The following HOMER3 variants were observed in gnomAD, a reference collection of about 807,000 sequenced individuals.
HOMER3 encodes homer protein homolog 3.
A neutral mutation model predicts 45.5 loss-of-function variants in HOMER3; 34 were observed. The ratio of observed to expected loss-of-function variants is 0.75; its 90% CI spans 0.57 to 1.00. The LOEUF (loss-of-function observed/expected upper bound fraction) is 1.00. Among genes scored for constraint, HOMER3 ranks in the 50% least tolerant of loss-of-function variants. HOMER3 has a pLI of 0.00. For missense variants in HOMER3, 480 were observed against 497.5 expected, an observed-to-expected ratio of 0.96 and a Z score of 0.33; for synonymous variants, 223 against 208.8, an observed-to-expected ratio of 1.07 and a Z score of -0.58.
Position 18,929,301 on chromosome 19 carries a change from AC to A in HOMER3, c.*141del. ...CAACAACCAGAGCCGACTGGGGCCC[AC>A]CCCAGCCCAGCCCGGCCCGGCCCAC... On this transcript the variant is annotated 3_prime_UTR_variant, in exon 10 of 10. Transcript: ENST00000392351. The A allele has an allele frequency of 1.1e-6, 1 of 923,940 alleles. No homozygotes were observed. The highest frequency in any genetic ancestry group is 1.8e-6 in the Non-Finnish European group (1 of 564,152). The allele number at this position is 923,940 out of a possible 1,614,324, so 57.2% of individuals were successfully genotyped here.
At position 18,931,235 on chromosome 19, in the gene HOMER3, T is replaced by C. The variant is rs138352262; in HGVS notation, c.894+90A>G. On this transcript the variant is annotated intron_variant, in intron 9 of 9. Transcript: ENST00000392351. ...CCTTCCACAGGACTGGGCCTCCCAA[T>C]ACTTTATCATCTTAGGTAGATATTG... The C allele has an allele frequency of 9.6e-3, 11,299 of 1,183,124 alleles. 76 individuals are homozygous for C. Among genetic ancestry groups the C allele is most frequent in the Non-Finnish European group, 0.012 (9,857 of 808,262 alleles). 73.3% of individuals were successfully genotyped at this position (1,183,124 alleles called of 1,614,324 possible).
In HOMER3 at chr19:18,938,754, G is replaced by A. The variant is rs756145131; in HGVS notation, c.145C>T (p.Arg49Cys). 5.0e-6 allele frequency: 8 copies of A among 1,597,982 alleles called. No homozygotes were observed. Among genetic ancestry groups the A allele is most frequent in the Admixed American group, 3.5e-5 (2 of 57,390 alleles). Residue 49 changes from arginine to cysteine, a missense_variant, in exon 3 of 10, where the codon CGC becomes TGC. Coordinates refer to ENST00000392351, the MANE Select transcript of HOMER3 (RefSeq NM_004838.4). ...TTGGCGCCTCCGATGCTGATGATGCGGTACACATTGCGGGTGGCATCGTAG... is the reference window on the plus strand; with the variant it reads ...TTGGCGCCTCCGATGCTGATGATGCAGTACACATTGCGGGTGGCATCGTAG... ...YFYDATRNVY[R>C]IISIGGAKAI...
At chr19:18,939,204 C>A (rs2057128732) in intron 1 of HOMER3, 155 bp from the exon 2 acceptor site, 3 of 522,974 alleles carry the variant, frequency 5.7e-6, no homozygotes, top group Non-Finnish European at 3.4e-6. Flanking sequence ...CTTTGGGAGG[C>A]TGAGTCAGGA....
At chr19:18,937,786 G>A (rs982291388) in intron 4 of HOMER3, among the ~76,000 whole-genome samples, 25 of 152,058 alleles carry the variant, frequency 1.6e-4, no homozygotes, top group African/African-American at 6.0e-4. Context: ...AGGGAGGTGA[G>A]GATGAAGGTA....
At chr19:18,934,243 T>C (rs1388385591) in intron 5 of HOMER3, 60 bp downstream of exon 5, 54 of 1,007,616 alleles carry the variant, frequency 5.4e-5, no homozygotes, top group Non-Finnish European at 7.2e-5. Context: ...CCAATATCAG[T>C]TGAGCGCCTG....
intron 4 of HOMER3, 27 bp downstream of exon 4, chr19:18,938,322 TTCCC>T (rs776946905): frequency 6.3e-7 from 1 of 1,588,182 alleles, no homozygotes; most frequent in Non-Finnish European, 8.6e-7. Flanking sequence ...GTCTCATCGG[TTCCC>T]TCCACTCTCC....
chr19:18,934,234 C>T lies in HOMER3; in HGVS notation c.411+69G>A, dbSNP rs143418972. The T allele has an allele frequency of 5.5e-4, 491 of 889,064 alleles. 3 individuals carry two copies. In the African/African-American group the frequency reaches 7.6e-3, roughly 14 times the overall value. 55.1% of individuals were successfully genotyped at this position (889,064 alleles called of 1,614,324 possible). A position where few individuals can be genotyped will look rare whatever the true frequency, so the allele number is the denominator to read the frequency against. ...CCGGTCTCCCAATATCAAGGTCCCC[C>T]AATATCAGTTGAGCGCCTGGCTGAC... On this transcript the variant is annotated intron_variant, in intron 5 of 9. Coordinates refer to ENST00000392351, the MANE Select transcript of HOMER3 (RefSeq NM_004838.4).
Position 18,929,363 on chromosome 19 carries a change from G to A in HOMER3, c.*80C>T. 1.3e-6 allele frequency: 2 copies of A among 1,506,004 alleles called. No homozygotes were observed. Among genetic ancestry groups the A allele is most frequent in the South Asian group, 1.1e-5 (1 of 88,412 alleles). 93.3% of individuals were successfully genotyped at this position (1,506,004 alleles called of 1,614,324 possible). ...GTTGGGACCCCCCAGTCCCTTTCCAGGACGAATGGGCCCAACTATGCCGCC... is the reference window on the plus strand; with the variant it reads ...GTTGGGACCCCCCAGTCCCTTTCCAAGACGAATGGGCCCAACTATGCCGCC... On this transcript the variant is annotated 3_prime_UTR_variant, in exon 10 of 10. Coordinates refer to ENST00000392351, the MANE Select transcript of HOMER3 (RefSeq NM_004838.4).
In HOMER3 at chr19:18,932,032, G is replaced by T. The variant is rs1435624227; in HGVS notation, c.634C>A (p.Gln212Lys). 9 of 1,550,652 alleles carry T rather than the reference G, an allele frequency of 5.8e-6. No homozygotes were observed. The African/African-American group carries it at 6.9e-5, about 12-fold the overall frequency. ...TGAGCCTCCAGCTGCTGCCTCCACT[G>T]GGCTGCGGCGGCGTTGGCCTCTCGC... is the stretch of plus-strand genomic sequence containing the variant. ...ALREANAAAA[Q>K]WRQQLEAQRA... Residue 212 changes from glutamine (Q) to lysine (K), a missense_variant, in exon 7 of 10, where the codon CAG (glutamine) becomes AAG (lysine). Physicochemically the swap from Gln to Lys is moderately conservative, Grantham distance 53. Coordinates refer to ENST00000392351, the MANE Select transcript of HOMER3 (RefSeq NM_004838.4).
chr19:18,935,253 C>T (rs901604658), intron 4 of HOMER3, among the ~76,000 whole-genome samples: 8 of 151,384 alleles, frequency 5.3e-5, no homozygotes, highest in Non-Finnish European at 1.0e-4. Flanking sequence ...GAGTCTTCTG[C>T]CTCAACCTCC....
In HOMER3 at chr19:18,934,332, TG is replaced by T; in HGVS notation, c.381del (p.Ser128ValfsTer44). 6.3e-7 allele frequency: 1 copy of T among 1,580,012 alleles called. No homozygotes were observed. The highest frequency in any genetic ancestry group is 2.4e-5 in the East Asian group (1 of 41,756). ...TGGGAGGCGAGCCCCAGGGCTGGACTGGTGAGCTCCCCGCCATCCTGAGATT... is the reference window on the plus strand; with the variant it reads ...TGGGAGGCGAGCCCCAGGGCTGGACTGTGAGCTCCCCGCCATCCTGAGATT... ...REKSQDGGEL[T>X]SPALGLASHQ... On this transcript the variant is annotated frameshift_variant, in exon 5 of 10. Transcript: ENST00000392351. LOFTEE classifies it high-confidence loss of function.
chr19:18,929,312 G>A lies in HOMER3; in HGVS notation c.*131C>T. The A allele has an allele frequency of 9.6e-7, 1 of 1,046,314 alleles. No individual in the cohort carries two copies. The highest frequency in any genetic ancestry group is 1.5e-6 in the Non-Finnish European group (1 of 676,156). The allele number at this position is 1,046,314 out of a possible 1,614,324, so 64.8% of individuals were successfully genotyped here. On this transcript the variant is annotated 3_prime_UTR_variant, in exon 10 of 10. Transcript: ENST00000392351. ...GCCGACTGGGGCCCACCCCAGCCCA[G>A]CCCGGCCCGGCCCACCCAGGGCTAA...
chr19:18,931,734 C>CA, intron 7 of HOMER3, 109 bp from the exon 8 acceptor site: 1 of 1,501,542 alleles, frequency 6.7e-7, no homozygotes, highest in Middle Eastern at 2.5e-4. Context: ...ACCGAGCACC[C>CA]ATCTCCCTTG....
rs1159710041 is a variant in HOMER3 at position 18,931,352 on chromosome 19, C to A, written c.867G>T (p.Glu289Asp). The change falls in exon 9 of 10, where the codon GAG becomes GAT. Residue 289 changes from glutamate to aspartate, a missense_variant. Physicochemically the swap from Glu to Asp is conservative, Grantham distance 45. Coordinates refer to ENST00000392351, the MANE Select transcript of HOMER3 (RefSeq NM_004838.4). ...GGPREALEAA[E>D]REETQQKVQD... ...GCACCTTCTGCTGAGTCTCCTCACG[C>A]TCGGCAGCCTCCAGGGCCTCGCGGG... The A allele has an allele frequency of 1.3e-5, 21 of 1,614,178 alleles. No homozygotes were observed. The highest frequency in any genetic ancestry group is 1.7e-5 in the Non-Finnish European group (20 of 1,180,030).
Position 18,931,619 on chromosome 19 carries a change from C to T in HOMER3, c.697G>A (p.Glu233Lys), listed in dbSNP as rs2057033492. The T allele has an allele frequency of 3.7e-6, 6 of 1,606,432 alleles. No individual in the cohort carries two copies. The highest frequency in any genetic ancestry group is 1.7e-5 in the Admixed American group (1 of 59,336). The part of the protein sequence containing the change: ...EAERLRQRVA[E>K]LEAQAASEVT... Reference sequence around the variant, plus strand: ...TCTGAAGCTGCCTGAGCCTCCAGCTCAGCCACCTGTAGGGCAGGAATAGCA... The same window carrying T: ...TCTGAAGCTGCCTGAGCCTCCAGCTTAGCCACCTGTAGGGCAGGAATAGCA... The change falls in exon 8 of 10, where the codon GAG becomes AAG. Residue 233 changes from glutamate to lysine, a missense_variant. By Grantham distance (56) the Glu-to-Lys change is moderately conservative. Coordinates refer to ENST00000392351, the MANE Select transcript of HOMER3 (RefSeq NM_004838.4).
Position 18,929,367 on chromosome 19 carries a change from G to T in HOMER3, c.*76C>A. On this transcript the variant is annotated 3_prime_UTR_variant, in exon 10 of 10. Transcript: ENST00000392351. ...GGACCCCCCAGTCCCTTTCCAGGACGAATGGGCCCAACTATGCCGCCTGCA... is the reference window on the plus strand; with the variant it reads ...GGACCCCCCAGTCCCTTTCCAGGACTAATGGGCCCAACTATGCCGCCTGCA... The T allele has an allele frequency of 6.7e-7, 1 of 1,499,308 alleles. No homozygotes were observed. 92.9% of individuals were successfully genotyped at this position (1,499,308 alleles called of 1,614,324 possible). A position where few individuals can be genotyped will look rare whatever the true frequency, so the allele number is the denominator to read the frequency against.
chr19:18,933,535 G>A (rs1022811601), intron 5 of HOMER3, among the ~76,000 whole-genome samples: 3 of 152,188 alleles, frequency 2.0e-5, no homozygotes, highest in Non-Finnish European at 2.9e-5. Flanking sequence ...CGCCACCGCA[G>A]CCCAGTGCAG....
chr19:18,936,267 C>T lies in HOMER3; in HGVS notation c.304-1857G>A, dbSNP rs1359236357. 5.4e-5 allele frequency among the ~76,000 whole-genome samples: 8 copies of T among 147,716 alleles called. 1 individual carries two copies. The highest frequency in any genetic ancestry group is 9.9e-5 in the African/African-American group (4 of 40,312). On this transcript the variant is annotated intron_variant, in intron 4 of 9. Transcript: ENST00000392351. ...GGCGGAAGTTGCGGTGAGCCGAGATCGCACCATTGCACTCCAGCCTGGGGG... is the reference window on the plus strand; with the variant it reads ...GGCGGAAGTTGCGGTGAGCCGAGATTGCACCATTGCACTCCAGCCTGGGGG...
rs750928948 is a variant in HOMER3 at position 18,934,396 on chromosome 19, G to T, written c.318C>A (p.Phe106Leu). ...GCCTGGCTGCTTCCTTCACTTCCTG[G>T]AACTTCTCGGCAAACTAAGGGAGTG... ...EQHLTQFAEK[F>L]QEVKEAARLA... The change falls in exon 5 of 10, where the codon TTC becomes TTA. Residue 106 changes from phenylalanine to leucine, a missense_variant. By Grantham distance (22) the Phe-to-Leu change is conservative. Transcript: ENST00000392351. 1 of 1,588,702 alleles carries T rather than the reference G, an allele frequency of 6.3e-7. No homozygotes were observed. The highest frequency in any genetic ancestry group is 8.6e-7 in the Non-Finnish European group (1 of 1,167,960).
Sources: allele counts gnomAD v4.1 joint callset (sites outside exome capture counted in the v4.1 genomes callset), GRCh38; gene constraint gnomAD v4.1.1; transcripts MANE v1.5; gene names NCBI Gene and HGNC (gene_info 2026-07-23, HGNC 2026-07-21).